Variants in RETREG3 observed in about 807,000 individuals in gnomAD.
RETREG3 encodes the protein reticulophagy regulator 3.
RETREG3 carries 23 observed loss-of-function variants against 50.2 expected under a neutral mutation model. The ratio of observed to expected loss-of-function variants is 0.46; its 90% CI spans 0.33 to 0.65. RETREG3 has a LOEUF of 0.65. RETREG3 is among the 30% of genes least tolerant of loss of function. The pLI is 0.02. For synonymous variants in RETREG3, 240 were observed against 234.4 expected, an observed-to-expected ratio of 1.02 and a Z score of -0.22; for missense variants, 546 against 598.0, an observed-to-expected ratio of 0.91 and a Z score of 0.91.
At chr17:42,593,222 T>C (rs1372181583) in intron 1 of RETREG3, among the ~76,000 whole-genome samples, 1 of 152,150 alleles carries the variant, frequency 6.6e-6, no homozygotes, top group Non-Finnish European at 1.5e-5. Flanking sequence ...TTAAAAGTAT[T>C]ATACACCATG....
chr17:42,582,259 G>T lies in RETREG3; in HGVS notation c.955C>A (p.His319Asn). 1 of 1,604,714 alleles carries T rather than the reference G, an allele frequency of 6.2e-7. No homozygotes were observed. The highest frequency in any genetic ancestry group is 1.1e-5 in the South Asian group (1 of 90,936). ...LTEGSEDLDG[H>N]SDPEESFARD... ...GCAAAGGATTCCTCTGGATCACTGT[G>T]ACCATCTAGGTCTGGTGGAATACAG... The change falls in exon 9 of 9, where the codon CAC becomes AAC. Residue 319 changes from histidine to asparagine, a missense_variant. His to Asn is a moderately conservative substitution (Grantham distance 68). Transcript: ENST00000309428.
intron 2 of RETREG3, among the ~76,000 whole-genome samples, chr17:42,589,193 G>C (rs778449005): frequency 6.6e-6 from 1 of 152,004 alleles, no homozygotes; most frequent in African/African-American, 2.4e-5. Context: ...ATAGGCAGAT[G>C]AACTACACGA....
At position 42,609,316 on chromosome 17, in the gene RETREG3, C is replaced by T; in HGVS notation, c.9G>A (p.Glu3=). 4 of 1,597,954 alleles carry T rather than the reference C, an allele frequency of 2.5e-6. No homozygotes were observed. The highest frequency in any genetic ancestry group is 3.4e-6 in the Non-Finnish European group (4 of 1,178,088). The change falls in exon 1 of 9, where the codon GAG becomes GAA. Residue 3 remains glutamate, a synonymous_variant. Transcript: ENST00000309428. ...CTGGGGTCGTGGGAACCCCTTCGGC[C>T]TCAGCCATCTCCCCGCGGCAGCCAC... MA[E]AEGVPTTPGP... is the part of the protein sequence containing the mutation.
At chr17:42,586,439 A>G (rs547992002) in intron 4 of RETREG3, 11 of 421,564 alleles carry the variant, frequency 2.6e-5, no homozygotes, top group Middle Eastern at 6.6e-4. Context: ...TTAAGTCAAC[A>G]GAAACACACA....
intron 1 of RETREG3, among the ~76,000 whole-genome samples, chr17:42,595,189 G>A (rs188938275): frequency 7.9e-5 from 12 of 151,600 alleles, no homozygotes; most frequent in Admixed American, 2.6e-4. Context: ...GGATGGTCTC[G>A]ATCTCTTGAC....
At chr17:42,587,968 A>G in intron 2 of RETREG3, 104 bp from the exon 3 acceptor site, 1 of 1,270,370 alleles carries the variant, frequency 7.9e-7, no homozygotes, top group Non-Finnish European at 1.1e-6. Flanking sequence ...GTTGGGGAAA[A>G]GAAAACAGTA....
chr17:42,597,609 ATATATATATATTTTTTTTTTT>A (rs2093149431), intron 1 of RETREG3, among the ~76,000 whole-genome samples: 1 of 16,414 alleles, frequency 6.1e-5, no homozygotes, highest in Non-Finnish European at 1.1e-4. Context: ...ATATATATAT[ATATATATATATTTTTTTTTTT>A]TTTTTTTTTT....
intron 1 of RETREG3, among the ~76,000 whole-genome samples, chr17:42,607,413 T>C (rs1020182244): frequency 1.3e-5 from 2 of 148,954 alleles, no homozygotes; most frequent in African/African-American, 5.0e-5. Flanking sequence ...GGTGGGAAGA[T>C]TGCTTGAGCC....
At chr17:42,585,009 C>G in intron 6 of RETREG3, 116 bp downstream of exon 6, 1 of 1,307,226 alleles carries the variant, frequency 7.6e-7, no homozygotes, top group South Asian at 1.3e-5. Context: ...AATCCTCACC[C>G]CCACCAACTA....
chr17:42,606,557 C>T (rs1331150570), intron 1 of RETREG3, among the ~76,000 whole-genome samples: 2 of 151,210 alleles, frequency 1.3e-5, no homozygotes, highest in East Asian at 1.9e-4. Flanking sequence ...GCCGAGATGG[C>T]GCCACTGCAC....
intron 5 of RETREG3, 147 bp from the exon 6 acceptor site, chr17:42,585,409 C>G: frequency 3.3e-6 from 4 of 1,195,042 alleles, no homozygotes; most frequent in Non-Finnish European, 4.6e-6. Context: ...TCACCAGTCT[C>G]CCCTACACAT....
chr17:42,582,709 G>T lies in RETREG3; in HGVS notation c.908C>A (p.Ser303Ter). Residue 303 changes from serine to a stop codon, truncating the protein, a stop_gained, in exon 8 of 9, where the codon TCA (serine) becomes TAA (stop). Transcript: ENST00000309428. LOFTEE classifies it high-confidence loss of function. Reference protein sequence around the residue: ...SCTDNGTFNLSRGQTPLTEGS... With the variant: ...SCTDNGTFNL Reference sequence around the variant, plus strand: ...TTCCGTTAGAGGTGTTTGGCCCCTTGAAAGATTGAATGTGCCATTGTCTGT... The same window carrying T: ...TTCCGTTAGAGGTGTTTGGCCCCTTTAAAGATTGAATGTGCCATTGTCTGT... The T allele has an allele frequency of 6.2e-7, 1 of 1,614,214 alleles. No individual in the cohort carries two copies.
upstream of RETREG3, chr17:42,609,409 GA>G: frequency 6.9e-7 from 1 of 1,442,926 alleles, no homozygotes; most frequent in Non-Finnish European, 9.3e-7. Flanking sequence ...TTCGGCGGGG[GA>G]GGTGGCTTCG....
Position 42,586,911 on chromosome 17 carries a change from G to C in RETREG3, c.378-20C>G. 6.2e-7 allele frequency: 1 copy of C among 1,611,804 alleles called. No homozygotes were observed. Among genetic ancestry groups the C allele is most frequent in the Non-Finnish European group, 8.5e-7 (1 of 1,179,194 alleles). On this transcript the variant is annotated intron_variant, in intron 3 of 8. Coordinates refer to ENST00000309428, the MANE Select transcript of RETREG3 (RefSeq NM_178126.4). ...CCCCAGCTATGGGAGAGAGAAGGGGGAGCTGTGAAAGGAGGGTGTTGAGGG... is the reference window on the plus strand; with the variant it reads ...CCCCAGCTATGGGAGAGAGAAGGGGCAGCTGTGAAAGGAGGGTGTTGAGGG...
intron 1 of RETREG3, among the ~76,000 whole-genome samples, chr17:42,597,615 ATATATTTTTTTTT>A (rs2093149737): frequency 2.3e-4 from 5 of 21,486 alleles, no homozygotes; most frequent in African/African-American, 6.6e-4. Flanking sequence ...ATATATATAT[ATATATTTTTTTTT>A]TTTTTTTTTT....
At chr17:42,605,433 T>C (rs895922195) in intron 1 of RETREG3, 2 of 152,220 alleles carry the variant, frequency 1.3e-5, no homozygotes, top group Admixed American at 6.5e-5. Flanking sequence ...ACATTTAAAA[T>C]GTTTGTTAAC....
At chr17:42,594,202 T>C (rs907471014) in intron 1 of RETREG3, among the ~76,000 whole-genome samples, 4 of 151,864 alleles carry the variant, frequency 2.6e-5, no homozygotes, top group African/African-American at 9.7e-5. Context: ...AAAAAACAAA[T>C]ATTGGAGCCA....
At chr17:42,588,288 G>A (rs974523951) in intron 2 of RETREG3, among the ~76,000 whole-genome samples, 1 of 152,086 alleles carries the variant, frequency 6.6e-6, no homozygotes, top group Non-Finnish European at 1.5e-5. Flanking sequence ...GAGTCTTCTC[G>A]CTCTGTTGCC....
intron 2 of RETREG3, among the ~76,000 whole-genome samples, chr17:42,590,148 G>A (rs189500295): frequency 3.3e-5 from 5 of 152,310 alleles, no homozygotes; most frequent in East Asian, 1.9e-4. Context: ...AGGTTGCAGC[G>A]AGCCAAGATC....
Sources: gnomAD v4.1 joint callset for allele counts (sites outside exome capture counted in the v4.1 genomes callset) on GRCh38, gnomAD v4.1.1 for gene constraint, MANE v1.5 for transcripts, NCBI Gene and HGNC (gene_info 2026-07-23, HGNC 2026-07-21) for gene names.